The following SMYD3 variants were observed in gnomAD, a reference collection of about 807,000 sequenced individuals.
SMYD3 encodes the protein histone-lysine N-methyltransferase SMYD3.
A neutral mutation model predicts 57.7 loss-of-function variants in SMYD3; 36 were observed. That is an observed-to-expected ratio of 0.62 (90% CI 0.48 to 0.82). The LOEUF (loss-of-function observed/expected upper bound fraction) is 0.82. Ranked by LOEUF, SMYD3 falls within the 40% of genes least tolerant of loss-of-function variation. The pLI is 0.00. For synonymous variants in SMYD3, 211 were observed against 195.0 expected, an observed-to-expected ratio of 1.08 and a Z score of -0.68; for missense variants, 515 against 538.8, an observed-to-expected ratio of 0.96 and a Z score of 0.44.
chr1:246,506,339 T>C (rs568700269), intron 1 of SMYD3, among the ~76,000 whole-genome samples: 48 of 152,270 alleles, frequency 3.2e-4, no homozygotes, highest in African/African-American at 1.2e-3. Context: ...AATCCCTGCA[T>C]CTAGAATGGT....
At chr1:246,146,145 A>G (rs1362997993) in intron 5 of SMYD3, among the ~76,000 whole-genome samples, 1 of 152,226 alleles carries the variant, frequency 6.6e-6, no homozygotes, top group African/African-American at 2.4e-5. Flanking sequence ...AAAGGGCAAG[A>G]CAAGAAAGCA....
chr1:246,304,160 T>C (rs2064940324), intron 5 of SMYD3, among the ~76,000 whole-genome samples: 1 of 152,216 alleles, frequency 6.6e-6, no homozygotes, highest in Non-Finnish European at 1.5e-5. Context: ...TTTATGTATG[T>C]GATAGTATTA....
At chr1:245,804,814 C>T (rs1035391944) in intron 10 of SMYD3, among the ~76,000 whole-genome samples, 3 of 152,174 alleles carry the variant, frequency 2.0e-5, no homozygotes, top group African/African-American at 4.8e-5. Flanking sequence ...CCTCACCAGG[C>T]GCTGAACCTG....
intron 5 of SMYD3, among the ~76,000 whole-genome samples, chr1:246,242,718 A>T (rs2063635485): frequency 6.6e-6 from 1 of 152,142 alleles, no homozygotes; most frequent in African/African-American, 2.4e-5. Flanking sequence ...ATGTACAGAG[A>T]GACATACATA....
chr1:245,991,030 A>C (rs1464880093), intron 5 of SMYD3, among the ~76,000 whole-genome samples: 1 of 152,234 alleles, frequency 6.6e-6, no homozygotes, highest in Non-Finnish European at 1.5e-5. Context: ...GAAAAAAGAA[A>C]ATTCTAACAA....
intron 10 of SMYD3, chr1:245,814,320 A>G: frequency 2.1e-6 from 2 of 951,830 alleles, no homozygotes; most frequent in Non-Finnish European, 2.5e-6. Context: ...TCATAGGAAT[A>G]TAAGAAAATT....
At chr1:246,164,626 C>A (rs2062175413) in intron 5 of SMYD3, among the ~76,000 whole-genome samples, 1 of 152,162 alleles carries the variant, frequency 6.6e-6, no homozygotes, top group South Asian at 2.1e-4. Context: ...AGAGAAACTT[C>A]CTGGTGCCAG....
At chr1:245,906,058 G>A (rs747992419) in intron 8 of SMYD3, among the ~76,000 whole-genome samples, 71 of 152,096 alleles carry the variant, frequency 4.7e-4, no homozygotes, top group Admixed American at 1.1e-3. Context: ...AAATATTAAG[G>A]AAAATCTCCA....
At chr1:245,764,608 C>T (rs1415263100) in intron 10 of SMYD3, among the ~76,000 whole-genome samples, 3 of 151,954 alleles carry the variant, frequency 2.0e-5, no homozygotes, top group Non-Finnish European at 2.9e-5. Context: ...TCCTACCACA[C>T]CCCCCTTTTA....
intron 5 of SMYD3, among the ~76,000 whole-genome samples, chr1:245,932,903 G>A (rs998946443): frequency 4.4e-4 from 67 of 152,048 alleles, no homozygotes; most frequent in African/African-American, 1.6e-3. Flanking sequence ...AGTCTTTCTG[G>A]GCTAGTAAAC....
In SMYD3 at chr1:245,964,042, T is replaced by C. The variant is rs146600411; in HGVS notation, c.532-34105A>G. ...GGCTCACGGCTCTGCAGGCCATACA[T>C]GAAGCAGAGTGTAGGCGTCTGCTTC... On this transcript the variant is annotated intron_variant, in intron 5 of 11. Transcript: ENST00000490107. 9.7e-3 allele frequency among the ~76,000 whole-genome samples: 1,473 copies of C among 152,294 alleles called. 27 individuals carry two copies. The highest frequency in any genetic ancestry group is 0.033 in the African/African-American group (1,380 of 41,538).
intron 1 of SMYD3, among the ~76,000 whole-genome samples, chr1:246,369,435 TC>T (rs1275983208): frequency 6.6e-6 from 1 of 152,186 alleles, no homozygotes; most frequent in Non-Finnish European, 1.5e-5. Flanking sequence ...ACACCCACCA[TC>T]CACCTATCAA....
At chr1:246,473,373 C>A (rs995053666) in intron 1 of SMYD3, among the ~76,000 whole-genome samples, 1 of 151,464 alleles carries the variant, frequency 6.6e-6, no homozygotes, top group South Asian at 2.1e-4. Context: ...TTTTGAAATT[C>A]AAAAAAAATG....
chr1:245,916,643 C>CT (rs1263426432), intron 7 of SMYD3, among the ~76,000 whole-genome samples: 3 of 152,148 alleles, frequency 2.0e-5, no homozygotes, highest in Non-Finnish European at 4.4e-5. Context: ...GAATCAACCA[C>CT]TTTTTACCTT....
At chr1:246,145,372 A>C (rs1197435896) in intron 5 of SMYD3, among the ~76,000 whole-genome samples, 1 of 152,232 alleles carries the variant, frequency 6.6e-6, no homozygotes, top group Non-Finnish European at 1.5e-5. Context: ...CCCAATTATT[A>C]CATATTAAAT....
chr1:245,927,160 G>T (rs2147833288), intron 7 of SMYD3, among the ~76,000 whole-genome samples: 1 of 152,344 alleles, frequency 6.6e-6, no homozygotes. Flanking sequence ...AGGAAACGGG[G>T]TTCTGGAAAG....
chr1:245,888,721 A>C (rs1006311517), intron 8 of SMYD3, among the ~76,000 whole-genome samples: 2 of 152,228 alleles, frequency 1.3e-5, no homozygotes, highest in African/African-American at 4.8e-5. Flanking sequence ...TCTCACGTCT[A>C]CCTTTTAAGC....
intron 1 of SMYD3, among the ~76,000 whole-genome samples, chr1:246,398,731 G>C (rs1454906387): frequency 6.6e-6 from 1 of 152,158 alleles, no homozygotes; most frequent in Non-Finnish European, 1.5e-5. Flanking sequence ...AGGAGGAGGA[G>C]ACTGGAAGAG....
chr1:246,435,151 G>A (rs2067352138), intron 1 of SMYD3, among the ~76,000 whole-genome samples: 1 of 152,112 alleles, frequency 6.6e-6, no homozygotes, highest in African/African-American at 2.4e-5. Flanking sequence ...AATAGACACT[G>A]GTGACTATTA....
Sources: allele counts gnomAD v4.1 joint callset (sites outside exome capture counted in the v4.1 genomes callset), GRCh38; gene constraint gnomAD v4.1.1; transcripts MANE v1.5; gene names NCBI Gene and HGNC (gene_info 2026-07-23, HGNC 2026-07-21).